ANKRD13C: variants seen among roughly 807,000 people sequenced by gnomAD.
ANKRD13C encodes ankyrin repeat domain 13C.
Under a neutral mutation model 65.5 loss-of-function variants are expected in ANKRD13C, and 16 were observed. That is an observed-to-expected ratio of 0.24 (90% confidence interval 0.17 to 0.37). The LOEUF is 0.37. ANKRD13C is among the 10% of genes least tolerant of loss of function. The pLI is 1.00. For missense variants in ANKRD13C, 503 were observed against 655.9 expected (o/e 0.77, Z 2.55); for synonymous variants, 235 against 238.7 (o/e 0.98, Z 0.14).
chr1:70,304,674 C>G (rs1048323877), intron 6 of ANKRD13C, among the ~76,000 whole-genome samples: 1 of 152,140 alleles, frequency 6.6e-6, no homozygotes, highest in Non-Finnish European at 1.5e-5. Context: ...GCTGGGATTA[C>G]AGGCATGAGT....
At chr1:70,281,091 C>T (rs528948784) in intron 9 of ANKRD13C, among the ~76,000 whole-genome samples, 1 of 152,130 alleles carries the variant, frequency 6.6e-6, no homozygotes, top group South Asian at 2.1e-4. Context: ...AAAGCATTAT[C>T]TGATTTAGAC....
intron 2 of ANKRD13C, among the ~76,000 whole-genome samples, chr1:70,330,574 C>CAA (rs71071394): frequency 0.056 from 3,802 of 68,152 alleles, 71 homozygotes; most frequent in East Asian, 0.13. Flanking sequence ...ACAAACAAAC[C>CAA]AAAAAAAAAA....
In ANKRD13C at chr1:70,273,022, T is replaced by TAAATAAAA. The variant is rs1348415121; in HGVS notation, c.1394+1697_1394+1698insTTTTATTT. Among the ~76,000 whole-genome samples, 26 of 150,672 alleles carry TAAATAAAA rather than the reference T, an allele frequency of 1.7e-4. No individual in the cohort carries two copies. In the East Asian group the frequency reaches 4.7e-3, roughly 27 times the overall value. ...ATAAATAAATAAATAAATAAATAAA[T>TAAATAAAA]AAAATAATAAAATAAAATTGGTGCA... On this transcript the variant is annotated intron_variant, in intron 11 of 12. Coordinates refer to ENST00000370944, the MANE Select transcript of ANKRD13C (RefSeq NM_030816.5).
intron 5 of ANKRD13C, among the ~76,000 whole-genome samples, chr1:70,311,792 C>T (rs960129429): frequency 1.3e-5 from 2 of 151,892 alleles, no homozygotes; most frequent in African/African-American, 4.8e-5. Context: ...TTGTATTAGT[C>T]AAAGCTAACT....
At chr1:70,333,848 G>A (rs1681909213) in intron 2 of ANKRD13C, among the ~76,000 whole-genome samples, 1 of 152,062 alleles carries the variant, frequency 6.6e-6, no homozygotes, top group Admixed American at 6.5e-5. Context: ...AAACATCTTG[G>A]TTCCCACTCT....
In ANKRD13C at chr1:70,261,292, A is replaced by G. The variant is rs1364658398; in HGVS notation, c.*1425T>C. The G allele has an allele frequency of 2.0e-5, 3 of 152,102 alleles. No individual in the cohort carries two copies. The highest frequency in any genetic ancestry group is 7.2e-5 in the African/African-American group (3 of 41,446). 9.4% of individuals were successfully genotyped at this position (152,102 alleles called of 1,614,324 possible). On this transcript the variant is annotated 3_prime_UTR_variant, in exon 13 of 13. Coordinates refer to ENST00000370944, the MANE Select transcript of ANKRD13C (RefSeq NM_030816.5). The stretch of plus-strand genomic sequence containing the variant: ...CTTACGGTTTATGCTTTGGATTTTT[A>G]AATCATATTTTCAATAAGGGTCTCT...
intron 6 of ANKRD13C, among the ~76,000 whole-genome samples, chr1:70,305,308 C>T (rs557582236): frequency 6.6e-6 from 1 of 152,044 alleles, no homozygotes; most frequent in Non-Finnish European, 1.5e-5. Context: ...GAACAACAAA[C>T]AAGAAGTCAG....
chr1:70,325,353 T>C (rs888467616), intron 2 of ANKRD13C, among the ~76,000 whole-genome samples: 9 of 152,354 alleles, frequency 5.9e-5, no homozygotes, highest in East Asian at 1.9e-4. Flanking sequence ...TGTCAAATAG[T>C]AAGTTCATTT....
At chr1:70,325,207 G>A (rs1681482553) in intron 2 of ANKRD13C, among the ~76,000 whole-genome samples, 1 of 152,084 alleles carries the variant, frequency 6.6e-6, no homozygotes, top group Non-Finnish European at 1.5e-5. Flanking sequence ...AAGGTATCAT[G>A]TTCCCTAATA....
rs2101298649 is a variant in ANKRD13C, at chr1:70,296,252, T to A, written c.931A>T (p.Met311Leu). 1 of 1,612,874 alleles carries A rather than the reference T, an allele frequency of 6.2e-7. No individual in the cohort carries two copies. The highest frequency in any genetic ancestry group is 1.7e-4 in the Middle Eastern group (1 of 6,056). ...ATATCCACCTCTTCTTCTGTTTCCA[T>A]CTCTGATTCCTGGGATGTGAGCAAA... ...YQRIHHEESEMETEEEVDILM... is the reference protein window; with the variant it reads ...YQRIHHEESELETEEEVDILM... The change falls in exon 8 of 13, where the codon ATG (methionine) becomes TTG (leucine). Residue 311 changes from methionine to leucine, a missense_variant. Around this residue, in one of 2 missense-constraint regions of ANKRD13C, gnomAD observed 300 missense variants for 478.3 expected, o/e 0.63. Transcript: ENST00000370944.
intron 2 of ANKRD13C, among the ~76,000 whole-genome samples, chr1:70,328,541 T>TA (rs963740003): frequency 2.4e-4 from 37 of 152,268 alleles, no homozygotes; most frequent in African/African-American, 8.9e-4. Context: ...CACATGCCTG[T>TA]AATCCCAGCT....
Position 70,354,121 on chromosome 1 carries a change from G to A in ANKRD13C, c.288C>T (p.Ala96=). 1 of 1,613,684 alleles carries A rather than the reference G, an allele frequency of 6.2e-7. No individual in the cohort carries two copies. The highest frequency in any genetic ancestry group is 8.5e-7 in the Non-Finnish European group (1 of 1,179,724). Reference sequence around the variant, plus strand: ...CGACGACAGCAACGGGGTTGGTGCCGGCCAGAAGGGCCGGGGACTGGGAGT... The same window carrying A: ...CGACGACAGCAACGGGGTTGGTGCCAGCCAGAAGGGCCGGGGACTGGGAGT... ...TANSQSPALL[A]GTNPVAVVAD... Residue 96 remains alanine, a synonymous_variant, in exon 1 of 13, where the codon GCC becomes GCT. Transcript: ENST00000370944.
intron 11 of ANKRD13C, among the ~76,000 whole-genome samples, chr1:70,273,380 C>G (rs559693236): frequency 6.6e-6 from 1 of 152,264 alleles, no homozygotes; most frequent in East Asian, 1.9e-4. Context: ...TAGTGAGGAG[C>G]CTAAAACTAT....
intron 1 of ANKRD13C, among the ~76,000 whole-genome samples, chr1:70,347,868 A>G (rs1029230506): frequency 1.3e-5 from 2 of 152,180 alleles, no homozygotes; most frequent in South Asian, 4.1e-4. Flanking sequence ...ACACACTTTA[A>G]TGTGTTATAA....
intron 4 of ANKRD13C, 40 bp downstream of exon 4, chr1:70,315,441 T>C (rs1681035247): frequency 1.3e-6 from 2 of 1,526,338 alleles, no homozygotes; most frequent in Admixed American, 3.8e-5. Flanking sequence ...CACTTATAAT[T>C]ACTTCCAAGG....
At chr1:70,276,646 G>T in intron 10 of ANKRD13C, 119 bp downstream of exon 10, 1 of 848,190 alleles carries the variant, frequency 1.2e-6, no homozygotes, top group Non-Finnish European at 1.8e-6. Flanking sequence ...AATTGCTTCA[G>T]TCAAAAATAT....
chr1:70,318,019 A>G (rs560788169), intron 3 of ANKRD13C, among the ~76,000 whole-genome samples: 1 of 152,312 alleles, frequency 6.6e-6, no homozygotes, highest in East Asian at 1.9e-4. Context: ...TAAAAAGGTA[A>G]TGGCAACCAC....
intron 1 of ANKRD13C, among the ~76,000 whole-genome samples, chr1:70,352,350 A>AAG (rs1428932571): frequency 6.6e-6 from 1 of 151,690 alleles, no homozygotes; most frequent in Non-Finnish European, 1.5e-5. Context: ...AAAAAAAAAA[A>AAG]AAAAAAAAAA....
chr1:70,306,867 T>C (rs892416247), intron 5 of ANKRD13C, among the ~76,000 whole-genome samples: 2 of 152,224 alleles, frequency 1.3e-5, no homozygotes, highest in Admixed American at 6.5e-5. Context: ...CTATAGCTCA[T>C]ATACATGCCA....
Sources: allele counts gnomAD v4.1 joint callset (sites outside exome capture counted in the v4.1 genomes callset), GRCh38; gene constraint gnomAD v4.1.1; regional missense constraint gnomAD v4.1.1; transcripts MANE v1.5; gene names NCBI Gene and HGNC (gene_info 2026-07-23, HGNC 2026-07-21).